Variants in TRABD2A observed in about 807,000 individuals in gnomAD.
TRABD2A encodes metalloprotease TIKI1.
In TRABD2A, 43 loss-of-function variants were observed where a neutral mutation model predicts 45.6. That is an observed-to-expected ratio of 0.94 (90% CI 0.74 to 1.22). TRABD2A has a LOEUF of 1.22. Among genes scored for constraint, TRABD2A ranks in the 50% most tolerant of loss-of-function variants. The pLI, the probability that TRABD2A is intolerant of heterozygous loss-of-function variation, is 0.00. For synonymous variants in TRABD2A, 269 were observed against 265.0 expected (o/e 1.02, Z -0.15); for missense variants, 642 against 652.4 (o/e 0.98, Z 0.17).
chr2:84,843,688 A>T (rs568004757), intron 2 of TRABD2A: 1 of 152,330 alleles, frequency 6.6e-6, no homozygotes, highest in African/African-American at 2.4e-5. Flanking sequence ...TGGCTGCATG[A>T]CACCTCTTTT....
At position 84,822,084 on chromosome 2, in the gene TRABD2A, G is replaced by A. The variant is rs1421968684; in HGVS notation, c.1351C>T (p.Leu451Phe). Reference sequence around the variant, plus strand: ...TGCCTGTCCAGGACAGGGACCTGGAGTTGCGGGACTATGTCACTAGGAGGC... The same window carrying A: ...TGCCTGTCCAGGACAGGGACCTGGAATTGCGGGACTATGTCACTAGGAGGC... ...RLEESDIVPQ[L>F]QVPVLDRHIS... is the part of the protein sequence containing the mutation. Residue 451 changes from leucine to phenylalanine, a missense_variant, in exon 7 of 7, where the codon CTC becomes TTC. Leu to Phe is a conservative substitution (Grantham distance 22). Coordinates refer to ENST00000409520, the MANE Select transcript of TRABD2A (RefSeq NM_001277053.2). The A allele has an allele frequency of 6.3e-7, 1 of 1,578,680 alleles. No individual in the cohort carries two copies. The highest frequency in any genetic ancestry group is 2.3e-5 in the East Asian group (1 of 43,446).
At chr2:84,829,032 GT>G (rs1247374544) in intron 5 of TRABD2A, among the ~76,000 whole-genome samples, 2 of 152,126 alleles carry the variant, frequency 1.3e-5, no homozygotes, top group African/African-American at 4.8e-5. Context: ...GAAAGAAAAG[GT>G]TTGGGAGGTG....
intron 2 of TRABD2A, among the ~76,000 whole-genome samples, chr2:84,842,929 C>T (rs1378060091): frequency 6.6e-6 from 1 of 151,664 alleles, no homozygotes; most frequent in Non-Finnish European, 1.5e-5. Flanking sequence ...ATTCAAGATC[C>T]TGATGCCAGG....
Position 84,823,966 on chromosome 2 carries a change from G to T in TRABD2A, c.1321C>A (p.Arg441Ser). 2.5e-6 allele frequency: 4 copies of T among 1,613,816 alleles called. No individual in the cohort carries two copies. The highest frequency in any genetic ancestry group is 1.1e-5 in the South Asian group (1 of 91,076). ...RLRQFSDLWV[R>S]LEESDIVPQL... is the part of the protein sequence containing the mutation. ...TACTCGCCTGACCTCTCCTCCAGGC[G>T]GACCCACAGATCGCTGAATTGCCGG... Residue 441 changes from arginine (R) to serine (S), a missense_variant, in exon 6 of 7, where the codon CGC becomes AGC. Arg to Ser is a moderately radical substitution (Grantham distance 110, BLOSUM62 -1). Transcript: ENST00000409520.
At chr2:84,831,935 G>A (rs2105374396) in intron 5 of TRABD2A, 120 bp downstream of exon 5, 2 of 940,190 alleles carry the variant, frequency 2.1e-6, no homozygotes, top group African/African-American at 1.6e-5. Flanking sequence ...GGTCAAGTGT[G>A]GGGGAAATGA....
chr2:84,833,298 G>A (rs1681401235), intron 4 of TRABD2A: 2 of 152,210 alleles, frequency 1.3e-5, no homozygotes, highest in South Asian at 4.1e-4. Flanking sequence ...GCAAACAGGA[G>A]CCAAAAATCA....
chr2:84,861,010 T>C (rs1156775974), intron 2 of TRABD2A, among the ~76,000 whole-genome samples: 2 of 152,292 alleles, frequency 1.3e-5, no homozygotes, highest in Admixed American at 1.3e-4. Flanking sequence ...CTCAGGCAGG[T>C]ATCAGGCCCT....
chr2:84,848,359 TAGATAGATAGATAGATAGACAGAC>T (rs1219934040), intron 2 of TRABD2A, among the ~76,000 whole-genome samples: 5 of 135,806 alleles, frequency 3.7e-5, no homozygotes, highest in Non-Finnish European at 1.5e-5. Flanking sequence ...GATAGATAGA[TAGATAGATAGATAGATAGACAGAC>T]AGACAGACAG....
intron 2 of TRABD2A, among the ~76,000 whole-genome samples, chr2:84,845,914 C>G (rs1290068809): frequency 6.6e-6 from 1 of 151,992 alleles, no homozygotes; most frequent in East Asian, 1.9e-4. Context: ...GGGCATTTTT[C>G]AAGAAAAATC....
chr2:84,851,593 G>A lies in TRABD2A; in HGVS notation c.670-9586C>T, dbSNP rs77138944. On this transcript the variant is annotated intron_variant, in intron 2 of 6. Transcript: ENST00000409520. ...CTATTAGAAAGTCCTTTCTTTTTGA[G>A]TTCCCTGTCCATGACTGCCATGTAC... Among the ~76,000 whole-genome samples, 5 of 152,318 alleles carry A rather than the reference G, an allele frequency of 3.3e-5. No homozygotes were observed. The East Asian group carries it at 9.6e-4, about 29-fold the overall frequency.
At chr2:84,840,307 G>C (rs1445187367) in intron 3 of TRABD2A, among the ~76,000 whole-genome samples, 20 of 151,754 alleles carry the variant, frequency 1.3e-4, no homozygotes, top group Non-Finnish European at 5.9e-5. Context: ...TGTCATTTAT[G>C]TAAGATCCCC....
intron 2 of TRABD2A, among the ~76,000 whole-genome samples, chr2:84,867,969 G>A (rs1472899450): frequency 3.3e-5 from 5 of 152,142 alleles, no homozygotes; most frequent in South Asian, 2.1e-4. Context: ...AAATAGGAAC[G>A]CTTTTACACT....
chr2:84,839,022 G>A, intron 4 of TRABD2A, 127 bp downstream of exon 4: 4 of 1,070,540 alleles, frequency 3.7e-6, no homozygotes, highest in Non-Finnish European at 5.3e-6. Flanking sequence ...ATAAGTCAAG[G>A]AAGGTGTCAC....
chr2:84,880,858 C>T, intron 1 of TRABD2A, 74 bp downstream of exon 1: 1 of 1,540,312 alleles, frequency 6.5e-7, no homozygotes, highest in Admixed American at 2.0e-5. Flanking sequence ...AGCGCTGCTT[C>T]GCGGGGTTCG....
At chr2:84,838,088 G>A in intron 4 of TRABD2A, 1 of 601,602 alleles carries the variant, frequency 1.7e-6, no homozygotes, top group Non-Finnish European at 3.0e-6. Flanking sequence ...GGAAATTTCA[G>A]GGAACTATTG....
Position 84,841,768 on chromosome 2 carries a change from T to C in TRABD2A, c.816+93A>G, listed in dbSNP as rs1040969476. On this transcript the variant is annotated intron_variant, in intron 3 of 6. Transcript: ENST00000409520. ...ATTTCTAGAGCCCTCATGACCTCAA[T>C]CCTTTGTACACAGGATGTACATGTT... 6 of 1,321,084 alleles carry C rather than the reference T, an allele frequency of 4.5e-6. No individual in the cohort carries two copies. In the African/African-American group the frequency reaches 8.9e-5, roughly 20 times the overall value. 81.8% of individuals were successfully genotyped at this position (1,321,084 alleles called of 1,614,324 possible).
chr2:84,875,120 C>A, intron 1 of TRABD2A: 1 of 166,446 alleles, frequency 6.0e-6, no homozygotes, highest in South Asian at 1.4e-4. Context: ...AATAAGGGAT[C>A]ATTTGACAGC....
At chr2:84,867,334 T>C (rs908247044) in intron 2 of TRABD2A, among the ~76,000 whole-genome samples, 7 of 152,206 alleles carry the variant, frequency 4.6e-5, no homozygotes, top group Non-Finnish European at 8.8e-5. Flanking sequence ...TGCTCTAAAA[T>C]ATCTCTGAAA....
chr2:84,840,341 T>C (rs752330224), intron 3 of TRABD2A, among the ~76,000 whole-genome samples: 1 of 152,160 alleles, frequency 6.6e-6, no homozygotes, highest in Non-Finnish European at 1.5e-5. Flanking sequence ...AAATCTCTTC[T>C]CTTCAGCAGA....
Sources: allele counts gnomAD v4.1 joint callset (sites outside exome capture counted in the v4.1 genomes callset), GRCh38; gene constraint gnomAD v4.1.1; transcripts MANE v1.5; gene names NCBI Gene and HGNC (gene_info 2026-07-23, HGNC 2026-07-21).